The following XPO6 variants were observed in gnomAD, a reference collection of about 807,000 sequenced individuals.
The protein encoded by XPO6 is exportin 6, also known as exportin-6.
In XPO6, 3 loss-of-function variants were observed where a neutral mutation model predicts 130.0. The observed-to-expected ratio is 0.02, with a 90% CI of 0.01 to 0.06. The LOEUF is 0.06. Among genes scored for constraint, XPO6 ranks in the 10% least tolerant of loss-of-function variants. The pLI is 1.00. For missense variants in XPO6, 970 were observed against 1,393.0 expected, an observed-to-expected ratio of 0.70 and a Z score of 4.83; for synonymous variants, 524 against 548.9, an observed-to-expected ratio of 0.95 and a Z score of 0.63.
intron 1 of XPO6, among the ~76,000 whole-genome samples, chr16:28,203,497 C>A (rs778952877): frequency 6.6e-6 from 1 of 152,088 alleles, no homozygotes; most frequent in Admixed American, 6.6e-5. Flanking sequence ...GTGCCCAGGG[C>A]CAACTACCTT....
intron 1 of XPO6, among the ~76,000 whole-genome samples, chr16:28,201,040 C>A (rs1012538689): frequency 6.6e-6 from 1 of 152,072 alleles, no homozygotes; most frequent in Non-Finnish European, 1.5e-5. Context: ...AAAGACCTCA[C>A]CTCACCCACT....
In XPO6 at chr16:28,132,326, C is replaced by T. The variant is rs1388905446; in HGVS notation, c.1606+8G>A. On this transcript the variant is annotated splice_region_variant and intron_variant, in intron 12 of 23. Coordinates refer to ENST00000304658, the MANE Select transcript of XPO6 (RefSeq NM_015171.4). The surrounding 1 kb of genome is among the most constrained non-coding windows in gnomAD (Gnocchi z 4.0). ...TTTGGTTAAATTAGAAAATAAAAAC[C>T]AGTTTACCTGACCCTGAAGTGACTA... 21 of 1,589,266 alleles carry T rather than the reference C, an allele frequency of 1.3e-5. No homozygotes were observed. Among genetic ancestry groups the T allele is most frequent in the Non-Finnish European group, 1.8e-5 (21 of 1,164,512 alleles).
In XPO6 at chr16:28,112,595, G is replaced by C. The variant is rs781187334; in HGVS notation, c.2151+309C>G. Among the ~76,000 whole-genome samples the C allele has an allele frequency of 7.3e-4, 111 of 152,220 alleles. 1 individual carries two copies. Among genetic ancestry groups the C allele is most frequent in the Non-Finnish European group, 1.5e-3 (101 of 68,038 alleles). On this transcript the variant is annotated intron_variant, in intron 16 of 23. Coordinates refer to ENST00000304658, the MANE Select transcript of XPO6 (RefSeq NM_015171.4). The stretch of plus-strand genomic sequence containing the variant: ...GTGACAACAAAAACCAGACTGCTTT[G>C]AATCAGAAAGAATGCAAAGAGAATT...
intron 1 of XPO6, among the ~76,000 whole-genome samples, chr16:28,195,191 C>A (rs762172333): frequency 3.3e-5 from 5 of 152,008 alleles, no homozygotes; most frequent in Admixed American, 2.0e-4. Context: ...AAATTTCAAA[C>A]ACAAAGACAA....
chr16:28,118,651 C>T (rs922072173), intron 14 of XPO6, among the ~76,000 whole-genome samples: 1 of 152,170 alleles, frequency 6.6e-6, no homozygotes, highest in Non-Finnish European at 1.5e-5. Flanking sequence ...GGCACTGCAC[C>T]GGCCTAGCCT....
chr16:28,120,901 C>T (rs1013478210), intron 14 of XPO6, among the ~76,000 whole-genome samples: 8 of 152,208 alleles, frequency 5.3e-5, no homozygotes, highest in African/African-American at 1.7e-4. Context: ...ACTCCCAGAC[C>T]GTATGTAAAT....
chr16:28,211,317 C>G, intron 1 of XPO6, 49 bp downstream of exon 1: 1 of 1,310,550 alleles, frequency 7.6e-7, no homozygotes, highest in Middle Eastern at 2.1e-4. Flanking sequence ...CCATTCCCAC[C>G]CTTCCGGTAG....
At chr16:28,195,073 T>C (rs1247681726) in intron 1 of XPO6, among the ~76,000 whole-genome samples, 2 of 151,788 alleles carry the variant, frequency 1.3e-5, no homozygotes, top group African/African-American at 4.8e-5. Context: ...GGCTTCAACA[T>C]GACACCGACC....
intron 2 of XPO6, among the ~76,000 whole-genome samples, chr16:28,178,764 C>CAAAAAAAAAAAAAAAAAAAAAA (rs139329056): frequency 7.2e-6 from 1 of 138,406 alleles, no homozygotes. Context: ...CAAAACAAAA[C>CAAAAAAAAAAAAAAAAAAAAAA]AAAAAAAAAA....
At position 28,133,837 on chromosome 16, in the gene XPO6, T is replaced by A. The variant is rs2141287854; in HGVS notation, c.1536+4A>T. ...ACTCTCCACTCCCCCGGACAGCACATTACCAGTGTGGAGAAGGCGTGCGTG... is the reference window on the plus strand; with the variant it reads ...ACTCTCCACTCCCCCGGACAGCACAATACCAGTGTGGAGAAGGCGTGCGTG... On this transcript the variant is annotated splice_donor_region_variant and intron_variant, in intron 11 of 23. Transcript: ENST00000304658. 1 of 1,613,926 alleles carries A rather than the reference T, an allele frequency of 6.2e-7. No individual in the cohort carries two copies. The highest frequency in any genetic ancestry group is 1.7e-4 in the Middle Eastern group (1 of 6,060).
At chr16:28,206,299 G>C (rs1019999072) in intron 1 of XPO6, among the ~76,000 whole-genome samples, 7 of 152,090 alleles carry the variant, frequency 4.6e-5, no homozygotes, top group Non-Finnish European at 1.0e-4. Flanking sequence ...CTAGCACTTT[G>C]GGAGGCTGAG....
At chr16:28,111,375 C>G (rs2086915837) in intron 17 of XPO6, 2 of 152,810 alleles carry the variant, frequency 1.3e-5, no homozygotes, top group African/African-American at 4.8e-5. Flanking sequence ...CTTTCAAAAC[C>G]TCTGGAAGAT....
rs1300548361 is a variant in XPO6, at chr16:28,151,179, T to A, written c.1224+1480A>T. 1.3e-4 allele frequency among the ~76,000 whole-genome samples: 14 copies of A among 106,772 alleles called. No homozygotes were observed. The East Asian group carries it at 2.5e-3, about 19-fold the overall frequency. The allele number at this position is 106,772 out of a possible 152,430, so 70.0% of individuals were successfully genotyped here. A position where few individuals can be genotyped will look rare whatever the true frequency, so the allele number is the denominator to read the frequency against. On this transcript the variant is annotated intron_variant, in intron 8 of 23. Transcript: ENST00000304658. ...CACATTAAGCTACAACACTAGTGGTTAAAAAAAAAAAAAAAAAAAGGCTAC... is the reference window on the plus strand; with the variant it reads ...CACATTAAGCTACAACACTAGTGGTAAAAAAAAAAAAAAAAAAAAGGCTAC...
chr16:28,200,990 T>G (rs1288741924), intron 1 of XPO6, among the ~76,000 whole-genome samples: 1 of 152,124 alleles, frequency 6.6e-6, no homozygotes, highest in East Asian at 1.9e-4. Flanking sequence ...TTTCACCCCC[T>G]CACTTCTCTG....
At chr16:28,166,392 C>T in intron 6 of XPO6, 116 bp downstream of exon 6, 1 of 1,106,526 alleles carries the variant, frequency 9.0e-7, no homozygotes, top group Non-Finnish European at 1.3e-6. Flanking sequence ...CTCTTGGCCT[C>T]TAGTGATCCT....
intron 12 of XPO6, among the ~76,000 whole-genome samples, chr16:28,131,512 T>C (rs1209601190): frequency 1.3e-5 from 2 of 152,216 alleles, no homozygotes; most frequent in African/African-American, 2.4e-5. Context: ...GGAGGACACA[T>C]GTGGCTTTCA....
chr16:28,101,763 C>T lies in XPO6; in HGVS notation c.3046-75G>A, dbSNP rs934802029. ...CCCGGGTCCCATCCACTTTCTGTCA[C>T]ACTCTCCAGTGAGTAACCTGAGGGT... On this transcript the variant is annotated intron_variant, in intron 22 of 23. Transcript: ENST00000304658. This position sits in a 1 kb window ranked among gnomAD's most constrained non-coding sequence, Gnocchi z 5.4. 8 of 1,584,780 alleles carry T rather than the reference C, an allele frequency of 5.0e-6. No homozygotes were observed. Among genetic ancestry groups the T allele is most frequent in the East Asian group, 4.5e-5 (2 of 44,674 alleles).
intron 1 of XPO6, among the ~76,000 whole-genome samples, chr16:28,204,380 G>A (rs1168271347): frequency 6.6e-6 from 1 of 151,898 alleles, no homozygotes. Context: ...AGTGACTCGA[G>A]GCTTAAAGGT....
Position 28,156,198 on chromosome 16 carries a change from C to A in XPO6, c.973G>T (p.Val325Leu). The change falls in exon 7 of 24, where the codon GTG becomes TTG. Residue 325 changes from valine (V) to leucine (L), a missense_variant. Val to Leu is a conservative substitution (Grantham distance 32). Coordinates refer to ENST00000304658, the MANE Select transcript of XPO6 (RefSeq NM_015171.4). ...AAATACTCCTCAAATTCCATAGGCA[C>A]ACAGTTCTTGGACATGAGTTCATTG... ...CINELMSKNC[V>L]PMEFEEYLLR... The A allele has an allele frequency of 6.2e-7, 1 of 1,614,176 alleles. No individual in the cohort carries two copies. The highest frequency in any genetic ancestry group is 8.5e-7 in the Non-Finnish European group (1 of 1,180,016).
Sources: allele counts gnomAD v4.1 joint callset (sites outside exome capture counted in the v4.1 genomes callset), GRCh38; gene constraint gnomAD v4.1.1; non-coding constraint Gnocchi (gnomAD v3.1); transcripts MANE v1.5; gene names NCBI Gene and HGNC (gene_info 2026-07-23, HGNC 2026-07-21).